Variants in CLCA1 observed in about 807,000 individuals in gnomAD.
The protein encoded by CLCA1 is calcium-activated chloride channel regulator 1.
CLCA1 carries 59 observed loss-of-function variants against 85.6 expected under a neutral mutation model. The observed-to-expected ratio is 0.69, with a 90% CI of 0.56 to 0.86. The LOEUF (loss-of-function observed/expected upper bound fraction) is 0.86. Ranked by LOEUF, CLCA1 falls within the 40% of genes least tolerant of loss-of-function variation. CLCA1 has a pLI of 0.00. For missense variants in CLCA1, 1,022 were observed against 1,101.4 expected, an observed-to-expected ratio of 0.93 and a Z score of 1.02; for synonymous variants, 396 against 398.3, an observed-to-expected ratio of 0.99 and a Z score of 0.07.
chr1:86,486,414 T>C, intron 6 of CLCA1, 112 bp from the exon 7 acceptor site: 1 of 889,240 alleles, frequency 1.1e-6, no homozygotes, highest in Non-Finnish European at 1.7e-6. Context: ...CAAGTAAGCT[T>C]ATGGTCATTT....
At chr1:86,478,627 A>C (rs945509134) in intron 4 of CLCA1, among the ~76,000 whole-genome samples, 7 of 152,202 alleles carry the variant, frequency 4.6e-5, no homozygotes, top group Non-Finnish European at 1.5e-5. Context: ...TCTCTTTCCC[A>C]GTTCTCTTTC....
chr1:86,491,064 G>A (rs1309273410), intron 8 of CLCA1, among the ~76,000 whole-genome samples: 1 of 152,108 alleles, frequency 6.6e-6, no homozygotes, highest in Non-Finnish European at 1.5e-5. Flanking sequence ...AACAGAGTGA[G>A]AGCCTGTCTT....
chr1:86,498,835 C>A (rs5744428), intron 13 of CLCA1, 24 bp downstream of exon 13: 341 of 1,594,106 alleles, frequency 2.1e-4, no homozygotes, highest in Non-Finnish European at 2.8e-4. Context: ...GGTGTGGACC[C>A]TGTAAAAGAG....
chr1:86,473,064 G>A (rs748763275), intron 1 of CLCA1, among the ~76,000 whole-genome samples: 1 of 152,116 alleles, frequency 6.6e-6, no homozygotes, highest in Non-Finnish European at 1.5e-5. Flanking sequence ...GTTTCACTTT[G>A]TTCCTCACCA....
Position 86,485,402 on chromosome 1 carries a change from A to C in CLCA1, c.795A>C (p.Gln265His). Residue 265 changes from glutamine to histidine, a missense_variant, in exon 6 of 14, where the codon CAA becomes CAC. By Grantham distance (24) the Gln-to-His change is conservative. Transcript: ENST00000394711. ...HNKEAPNKQN[Q>H]KCNLRSTWEV... ...AAGAAGCTCCAAACAAGCAAAATCA[A>C]AAATGCAATCTCCGAAGCACATGGG... is the stretch of plus-strand genomic sequence containing the variant. The C allele has an allele frequency of 6.2e-7, 1 of 1,614,224 alleles. No individual in the cohort carries two copies. Among genetic ancestry groups the C allele is most frequent in the Non-Finnish European group, 8.5e-7 (1 of 1,180,024 alleles).
intron 6 of CLCA1, 60 bp from the exon 7 acceptor site, chr1:86,486,466 T>G (rs1647971586): frequency 1.3e-6 from 2 of 1,511,368 alleles, no homozygotes; most frequent in Non-Finnish European, 1.8e-6. Context: ...CCTATGGCCT[T>G]TTCTGTTATT....
intron 3 of CLCA1, among the ~76,000 whole-genome samples, chr1:86,474,337 G>A (rs1269692306): frequency 6.6e-6 from 1 of 152,126 alleles, no homozygotes; most frequent in Admixed American, 6.5e-5. Flanking sequence ...GGCGGATCAC[G>A]AGGTCAGGAG....
intron 1 of CLCA1, among the ~76,000 whole-genome samples, chr1:86,472,547 GC>G (rs1452983914): frequency 1.3e-5 from 2 of 152,036 alleles, no homozygotes; most frequent in Admixed American, 1.3e-4. Flanking sequence ...CAGATACACT[GC>G]CCCCTTTCTA....
intron 12 of CLCA1, among the ~76,000 whole-genome samples, chr1:86,498,131 T>C (rs995014174): frequency 2.4e-5 from 3 of 123,728 alleles, no homozygotes; most frequent in Non-Finnish European, 5.1e-5. Flanking sequence ...AGAGCGAAAC[T>C]CCATCTCAAA....
chr1:86,485,456 G>A lies in CLCA1; in HGVS notation c.849G>A (p.Lys283=), dbSNP rs1425898601. The change falls in exon 6 of 14, where the codon AAG becomes AAA. Residue 283 remains lysine (K), a synonymous_variant. Transcript: ENST00000394711. ...TGATCCGTGATTCTGAGGACTTTAA[G>A]AAAACCACTCCTATGACAACACAGC... ...WEVIRDSEDF[K]KTTPMTTQPP... 2 of 1,614,064 alleles carry A rather than the reference G, an allele frequency of 1.2e-6. No homozygotes were observed. Among genetic ancestry groups the A allele is most frequent in the Non-Finnish European group, 1.7e-6 (2 of 1,180,030 alleles).
At position 86,476,386 on chromosome 1, in the gene CLCA1, A is replaced by C; in HGVS notation, c.452-62A>C. 3.8e-6 allele frequency: 3 copies of C among 788,224 alleles called. No homozygotes were observed. In the South Asian group the frequency reaches 4.6e-5, roughly 12 times the overall value. 48.8% of individuals were successfully genotyped at this position (788,224 alleles called of 1,614,324 possible). On this transcript the variant is annotated intron_variant, in intron 3 of 13. Coordinates refer to ENST00000394711, the MANE Select transcript of CLCA1 (RefSeq NM_001285.4). ...AATATTCCAAACATTGCTTTCTTCC[A>C]GTGTGAGAAGGTAATTTTGCCATTC...
In CLCA1 at chr1:86,485,347, T is replaced by C; in HGVS notation, c.740T>C (p.Val247Ala). ...TAATTTCATTGACAATTTCAGATAG[T>C]TGAATTCTGTACAGAACAAAACCAC... ...IMFAQHVDSI[V>A]EFCTEQNHNK... The change falls in exon 6 of 14, where the codon GTT becomes GCT. Residue 247 changes from valine to alanine, a missense_variant. Transcript: ENST00000394711. 1 of 1,610,862 alleles carries C rather than the reference T, an allele frequency of 6.2e-7. No homozygotes were observed. Among genetic ancestry groups the C allele is most frequent in the Non-Finnish European group, 8.5e-7 (1 of 1,177,234 alleles).
chr1:86,485,037 G>A (rs1009003587), intron 5 of CLCA1, among the ~76,000 whole-genome samples: 4 of 152,102 alleles, frequency 2.6e-5, no homozygotes, highest in Admixed American at 1.3e-4. Context: ...TCCAAGAGAG[G>A]AATGCTGGAG....
intron 12 of CLCA1, among the ~76,000 whole-genome samples, chr1:86,497,233 T>C (rs1332781964): frequency 6.6e-6 from 1 of 152,248 alleles, no homozygotes; most frequent in Non-Finnish European, 1.5e-5. Context: ...TAGAAGGCCA[T>C]GTTCTTCCCT....
intron 7 of CLCA1, 74 bp from the exon 8 acceptor site, chr1:86,488,922 C>T: frequency 7.7e-7 from 1 of 1,301,036 alleles, no homozygotes; most frequent in African/African-American, 1.5e-5. Flanking sequence ...TTTCTCCTTT[C>T]CTGTAAGCAG....
chr1:86,494,408 T>C lies in CLCA1; in HGVS notation c.1902T>C (p.Asn634=), dbSNP rs146020222. 30 of 1,614,202 alleles carry C rather than the reference T, an allele frequency of 1.9e-5. No individual in the cohort carries two copies. In the African/African-American group the frequency reaches 3.2e-4, roughly 17 times the overall value. ...TCACAGCCCTGATTGAATCAGTGAA[T>C]GGAAAAACAGTTACCTTGGAACTAC... is the stretch of plus-strand genomic sequence containing the variant. ...ASVTALIESV[N]GKTVTLELLD... is the part of the protein sequence containing the mutation. Residue 634 remains asparagine (N), a synonymous_variant, in exon 11 of 14, where the codon AAT becomes AAC. Coordinates refer to ENST00000394711, the MANE Select transcript of CLCA1 (RefSeq NM_001285.4).
chr1:86,491,670 A>G (rs1164301408), intron 9 of CLCA1, among the ~76,000 whole-genome samples: 1 of 152,246 alleles, frequency 6.6e-6, no homozygotes, highest in Non-Finnish European at 1.5e-5. Flanking sequence ...AACTAGAGCA[A>G]TATAATTGGC....
chr1:86,495,394 G>A, intron 11 of CLCA1, 111 bp from the exon 12 acceptor site: 1 of 837,068 alleles, frequency 1.2e-6, no homozygotes, highest in Non-Finnish European at 1.9e-6. Flanking sequence ...GTCTCTTGGA[G>A]CTAATGCTGA....
At chr1:86,479,021 A>C (rs1570281752) in intron 4 of CLCA1, among the ~76,000 whole-genome samples, 1 of 152,184 alleles carries the variant, frequency 6.6e-6, no homozygotes, top group South Asian at 2.1e-4. Flanking sequence ...ACAATTATTC[A>C]ATCTTGCTTA....
Sources: gnomAD v4.1 joint callset for allele counts (sites outside exome capture counted in the v4.1 genomes callset) on GRCh38, gnomAD v4.1.1 for gene constraint, MANE v1.5 for transcripts, NCBI Gene and HGNC (gene_info 2026-07-23, HGNC 2026-07-21) for gene names.